DCAF6: variants seen among roughly 807,000 people sequenced by gnomAD.
DCAF6 encodes DDB1- and CUL4-associated factor 6.
Under a neutral mutation model 125.1 loss-of-function variants are expected in DCAF6, and 54 were observed. The observed-to-expected ratio is 0.43, with a 90% confidence interval of 0.35 to 0.54. The LOEUF is 0.54. DCAF6 is among the 20% of genes least tolerant of loss of function. The pLI is 0.01. For synonymous variants in DCAF6, 371 were observed against 390.4 expected (o/e 0.95, Z 0.58); for missense variants, 934 against 1,161.7 (o/e 0.80, Z 2.85).
intron 1 of DCAF6, among the ~76,000 whole-genome samples, chr1:167,949,694 G>C (rs1427184106): frequency 6.6e-6 from 1 of 152,160 alleles, no homozygotes; most frequent in Non-Finnish European, 1.5e-5. Context: ...GGTGTCTTTT[G>C]CTAGCATCCA....
At chr1:168,033,415 A>G (rs1457712914) in intron 12 of DCAF6, among the ~76,000 whole-genome samples, 2 of 148,228 alleles carry the variant, frequency 1.3e-5, no homozygotes, top group Non-Finnish European at 3.0e-5. Flanking sequence ...TCCCGGGTTC[A>G]CGCCATTCTC....
chr1:167,972,445 G>A (rs776875406), intron 3 of DCAF6, among the ~76,000 whole-genome samples: 1 of 152,316 alleles, frequency 6.6e-6, no homozygotes, highest in Non-Finnish European at 1.5e-5. Flanking sequence ...TGTGATTTTT[G>A]TGGACAGTCA....
the DCAF6 span, chr1:167,924,551 GA>G: frequency 6.8e-7 from 1 of 1,465,866 alleles, no homozygotes; most frequent in Non-Finnish European, 9.1e-7. Flanking sequence ...AAAAAAAAAA[GA>G]AAAGAAAAAT....
In DCAF6 at chr1:167,980,485, C is replaced by T. The variant is rs113942949; in HGVS notation, c.438+5470C>T. Among the ~76,000 whole-genome samples the T allele has an allele frequency of 5.3e-3, 808 of 152,230 alleles. 5 individuals are homozygous for T. Among genetic ancestry groups the T allele is most frequent in the African/African-American group, 0.018 (764 of 41,544 alleles). On this transcript the variant is annotated intron_variant, in intron 4 of 21. Coordinates refer to ENST00000367840, the MANE Select transcript of DCAF6 (RefSeq NM_001198956.2). ...TTCTCCATTTCCTTGCCAACACTTA[C>T]AATTTTTTTTTAGTGGGCATTCCAG...
the DCAF6 span, among the ~76,000 whole-genome samples, chr1:167,923,708 A>T: frequency 6.6e-6 from 1 of 152,144 alleles, no homozygotes; most frequent in African/African-American, 2.4e-5. Context: ...ATTAAAAAAA[A>T]AAAAGCCTAC....
rs778154272 is a variant in DCAF6 at position 168,045,055 on chromosome 1, G to C, written c.2086G>C (p.Ala696Pro). The change falls in exon 16 of 22, where the codon GCT (alanine) becomes CCT (proline). Residue 696 changes from alanine to proline, a missense_variant. Ala to Pro is a conservative substitution (Grantham distance 27). Coordinates refer to ENST00000367840, the MANE Select transcript of DCAF6 (RefSeq NM_001198956.2). ...ETSDQTSTES[A>P]TNENNTNPEP... ...TTCAGATCAGACTAGCACTGAGAGT[G>C]CTACCAATGAAAATAACACCAATCC... The C allele has an allele frequency of 7.4e-6, 12 of 1,614,048 alleles. No individual in the cohort carries two copies. The East Asian group carries it at 2.5e-4, about 33-fold the overall frequency.
intron 12 of DCAF6, chr1:168,023,434 A>G (rs1240907528): frequency 3.4e-5 from 7 of 205,848 alleles, no homozygotes; most frequent in South Asian, 2.3e-4. Context: ...GTGATATTCT[A>G]TATTACTAGA....
upstream of DCAF6, among the ~76,000 whole-genome samples, chr1:167,931,829 T>C (rs941104679): frequency 1.2e-4 from 19 of 152,188 alleles, no homozygotes; most frequent in Admixed American, 2.0e-4. Context: ...TTATAAACAC[T>C]GATAACATTG....
At chr1:167,898,627 A>G in the DCAF6 span, among the ~76,000 whole-genome samples, 1 of 151,528 alleles carries the variant, frequency 6.6e-6, no homozygotes, top group Admixed American at 6.6e-5. Context: ...ATGATTGAAG[A>G]GCATGGGAAT....
chr1:167,967,563 G>T lies in DCAF6; in HGVS notation c.252+842G>T, dbSNP rs1676605385. On this transcript the variant is annotated intron_variant, in intron 3 of 21. Transcript: ENST00000367840. The stretch of plus-strand genomic sequence containing the variant: ...GAGAAACCTTCTGTTTTAGAAATAT[G>T]ACTAAATAGTTATTTTAAAATTTGT... Among the ~76,000 whole-genome samples, 2 of 152,000 alleles carry T rather than the reference G, an allele frequency of 1.3e-5. 1 individual carries two copies. Among genetic ancestry groups the T allele is most frequent in the South Asian group, 4.2e-4 (2 of 4,818 alleles).
chr1:167,949,779 G>A, intron 1 of DCAF6, among the ~76,000 whole-genome samples: 1 of 152,302 alleles, frequency 6.6e-6, no homozygotes, highest in Admixed American at 6.5e-5. Flanking sequence ...ATTCAGATGT[G>A]AGTTTATTTT....
chr1:168,065,579 T>G lies in DCAF6; in HGVS notation c.2440-11T>G, dbSNP rs751957796. On this transcript the variant is annotated splice_polypyrimidine_tract_variant and intron_variant, in intron 18 of 21. Transcript: ENST00000367840. ...GATTTGAATTTTTAAATAATTTTTT[T>G]TAACCCTTAGATAAAAGAAGCCAAT... 1 of 1,528,546 alleles carries G rather than the reference T, an allele frequency of 6.5e-7. No homozygotes were observed. The highest frequency in any genetic ancestry group is 2.1e-5 in the Admixed American group (1 of 48,780). The allele number at this position is 1,528,546 out of a possible 1,614,324, so 94.7% of individuals were successfully genotyped here.
chr1:168,048,576 A>C (rs1487936394), intron 16 of DCAF6, among the ~76,000 whole-genome samples: 2 of 152,208 alleles, frequency 1.3e-5, no homozygotes, highest in Non-Finnish European at 2.9e-5. Context: ...GGCTGAGATC[A>C]AGCATGAGAA....
intron 1 of DCAF6, among the ~76,000 whole-genome samples, chr1:167,947,453 G>A (rs969778133): frequency 6.6e-6 from 1 of 151,286 alleles, no homozygotes; most frequent in Non-Finnish European, 1.5e-5. Context: ...CTCGAGGTGC[G>A]TTCTTAGATT....
rs1673719111 is a variant in DCAF6, at chr1:167,950,246, T to TTATTCCTA, written c.98-1552_98-1551insTTCCTATA. On this transcript the variant is annotated intron_variant, in intron 1 of 21. Coordinates refer to ENST00000367840, the MANE Select transcript of DCAF6 (RefSeq NM_001198956.2). The stretch of plus-strand genomic sequence containing the variant: ...ATTGTTAATTTGAATACTTTGTTTC[T>TTATTCCTA]TAACTCGTATAACTCAATGAGATTA... 2.6e-5 allele frequency among the ~76,000 whole-genome samples: 4 copies of TTATTCCTA among 151,746 alleles called. No homozygotes were observed. In the South Asian group the frequency reaches 8.3e-4, roughly 31 times the overall value.
At chr1:168,041,002 G>A (rs76151783) in intron 13 of DCAF6, among the ~76,000 whole-genome samples, 6 of 151,516 alleles carry the variant, frequency 4.0e-5, no homozygotes, top group East Asian at 1.9e-4. Context: ...CAACAGATGA[G>A]GCAATAGAAC....
the DCAF6 span, chr1:167,870,324 A>C: frequency 1.2e-6 from 2 of 1,614,008 alleles, no homozygotes; most frequent in Non-Finnish European, 1.7e-6. Context: ...TATCCTGGTA[A>C]TCCCTCATAC....
the DCAF6 span, among the ~76,000 whole-genome samples, chr1:167,869,664 G>C: frequency 6.6e-6 from 1 of 152,136 alleles, no homozygotes; most frequent in Non-Finnish European, 1.5e-5. Flanking sequence ...GTTCTGTTCT[G>C]TTTCACTGTG....
chr1:167,955,755 T>G (rs985468678), intron 2 of DCAF6, among the ~76,000 whole-genome samples: 1 of 152,190 alleles, frequency 6.6e-6, no homozygotes, highest in Non-Finnish European at 1.5e-5. Flanking sequence ...TCAGGCATCC[T>G]TGTCTTGTTC....
Sources: gnomAD v4.1 joint callset for allele counts (sites outside exome capture counted in the v4.1 genomes callset) on GRCh38, gnomAD v4.1.1 for gene constraint, MANE v1.5 for transcripts, NCBI Gene and HGNC (gene_info 2026-07-23, HGNC 2026-07-21) for gene names.